Variants in ABTB2 observed in about 807,000 individuals in gnomAD.
ABTB2 encodes ankyrin repeat and BTB/POZ domain-containing protein 2.
ABTB2 carries 56 observed loss-of-function variants against 104.1 expected under a neutral mutation model. The ratio of observed to expected loss-of-function variants is 0.54; its 90% CI spans 0.43 to 0.67. The LOEUF (loss-of-function observed/expected upper bound fraction) is 0.67. Ranked by LOEUF, ABTB2 falls within the 30% of genes least tolerant of loss-of-function variation. ABTB2 has a pLI of 0.00. For missense variants in ABTB2, 1,279 were observed against 1,407.7 expected, an observed-to-expected ratio of 0.91 and a Z score of 1.46; for synonymous variants, 606 against 608.2, an observed-to-expected ratio of 1.00 and a Z score of 0.05.
chr11:34,212,516 A>T (rs538808734), intron 1 of ABTB2, among the ~76,000 whole-genome samples: 1 of 152,322 alleles, frequency 6.6e-6, no homozygotes, highest in South Asian at 2.1e-4. Flanking sequence ...AGCGAGGGAC[A>T]CTGAAGTTTA....
chr11:34,342,434 G>A (rs1163286307), intron 1 of ABTB2, among the ~76,000 whole-genome samples: 1 of 152,136 alleles, frequency 6.6e-6, no homozygotes, highest in Admixed American at 6.6e-5. Context: ...CACTGCATGT[G>A]CTTCGTCCCC....
intron 14 of ABTB2, among the ~76,000 whole-genome samples, chr11:34,157,233 G>A (rs1236920361): frequency 1.3e-5 from 2 of 152,228 alleles, no homozygotes; most frequent in African/African-American, 4.8e-5. Flanking sequence ...GCAAAATTCT[G>A]TACCCAGGAG....
At chr11:34,181,400 G>A (rs896990368) in intron 3 of ABTB2, among the ~76,000 whole-genome samples, 1 of 152,138 alleles carries the variant, frequency 6.6e-6, no homozygotes, top group African/African-American at 2.4e-5. Context: ...CCCGGGGTAG[G>A]CAGGGACCCC....
At chr11:34,337,088 T>G (rs1013947365) in intron 1 of ABTB2, among the ~76,000 whole-genome samples, 1 of 152,230 alleles carries the variant, frequency 6.6e-6, no homozygotes, top group Non-Finnish European at 1.5e-5. Context: ...CTCAGTTTAC[T>G]GAGGAGGACA....
At chr11:34,290,814 G>A (rs1041311667) in intron 1 of ABTB2, among the ~76,000 whole-genome samples, 3 of 152,218 alleles carry the variant, frequency 2.0e-5, no homozygotes, top group African/African-American at 7.2e-5. Flanking sequence ...AGTGTCTCCA[G>A]GAATTCCACA....
chr11:34,348,169 T>C (rs1051722439), intron 1 of ABTB2, among the ~76,000 whole-genome samples: 2 of 152,172 alleles, frequency 1.3e-5, no homozygotes, highest in Non-Finnish European at 2.9e-5. Flanking sequence ...TTTTAATGCT[T>C]TTACTGCTAG....
In ABTB2 at chr11:34,159,316, T is replaced by G. The variant is rs761758524; in HGVS notation, c.2677A>C (p.Met893Leu). 3.0e-5 allele frequency: 48 copies of G among 1,613,928 alleles called. No individual in the cohort carries two copies. Among genetic ancestry groups the G allele is most frequent in the Non-Finnish European group, 4.1e-5 (48 of 1,179,848 alleles). The change falls in exon 14 of 17, where the codon ATG (methionine) becomes CTG (leucine). Residue 893 changes from methionine to leucine, a missense_variant. Met to Leu is a conservative substitution (Grantham distance 15). Coordinates refer to ENST00000435224, the MANE Select transcript of ABTB2 (RefSeq NM_145804.3). The stretch of plus-strand genomic sequence containing the variant: ...CACACCTGAAAAATGTGGTACTTCA[T>G]GTCGCTGATCTCGATGGTCTTGCTG... Reference protein sequence around the residue: ...DSSKTIEISDMKYHIFQMMMQ... With the variant: ...DSSKTIEISDLKYHIFQMMMQ...
chr11:34,200,435 T>C (rs1462327298), intron 2 of ABTB2, among the ~76,000 whole-genome samples: 1 of 152,152 alleles, frequency 6.6e-6, no homozygotes, highest in Non-Finnish European at 1.5e-5. Context: ...CAGCTGGAGA[T>C]GGAGGTCCCC....
At chr11:34,288,394 G>A (rs1344612437) in intron 1 of ABTB2, among the ~76,000 whole-genome samples, 1 of 152,052 alleles carries the variant, frequency 6.6e-6, no homozygotes, top group Non-Finnish European at 1.5e-5. Flanking sequence ...CATAAACAAA[G>A]AAAACAAACA....
intron 7 of ABTB2, 34 bp downstream of exon 7, chr11:34,167,223 GCT>G: frequency 1.3e-6 from 2 of 1,556,182 alleles, no homozygotes; most frequent in Non-Finnish European, 1.8e-6. Context: ...CACCTGGTAA[GCT>G]GGGGGGCATG....
chr11:34,253,182 C>A (rs1854076625), intron 1 of ABTB2, among the ~76,000 whole-genome samples: 1 of 152,194 alleles, frequency 6.6e-6, no homozygotes, highest in Admixed American at 6.5e-5. Context: ...TCACACCCGT[C>A]CCTGGGTCAC....
Position 34,248,114 on chromosome 11 carries a change from A to ATTTTTTTT in ABTB2, c.884-43425_884-43424insAAAAAAAA, listed in dbSNP as rs1363625721. On this transcript the variant is annotated intron_variant, in intron 1 of 16. Transcript: ENST00000435224. ...TTTTTCTTAAAAAAAAAAAAAAAAA[A>ATTTTTTTT]AAAAAAAACAGGGTCTTGCCCTGTC... Among the ~76,000 whole-genome samples the ATTTTTTTT allele has an allele frequency of 2.9e-4, 37 of 126,342 alleles. 2 individuals carry two copies. Among genetic ancestry groups the ATTTTTTTT allele is most frequent in the African/African-American group, 7.5e-4 (24 of 32,106 alleles). 82.9% of individuals were successfully genotyped at this position (126,342 alleles called of 152,430 possible). A position where few individuals can be genotyped will look rare whatever the true frequency, so the allele number is the denominator to read the frequency against.
chr11:34,351,052 T>C (rs1855392874), intron 1 of ABTB2, among the ~76,000 whole-genome samples: 1 of 152,168 alleles, frequency 6.6e-6, no homozygotes, highest in Non-Finnish European at 1.5e-5. Flanking sequence ...AGGCGAAGCA[T>C]CTACCCACTG....
At chr11:34,349,220 A>G (rs1352380471) in intron 1 of ABTB2, among the ~76,000 whole-genome samples, 1 of 152,206 alleles carries the variant, frequency 6.6e-6, no homozygotes, top group African/African-American at 2.4e-5. Context: ...AGCAGGGTCC[A>G]ATATCCACAG....
In ABTB2 at chr11:34,154,850, C is replaced by T; in HGVS notation, c.2698-81G>A. 2 of 1,398,908 alleles carry T rather than the reference C, an allele frequency of 1.4e-6. No individual in the cohort carries two copies. Among genetic ancestry groups the T allele is most frequent in the Non-Finnish European group, 2.0e-6 (2 of 994,430 alleles). 86.7% of individuals were successfully genotyped at this position (1,398,908 alleles called of 1,614,324 possible). Reference sequence around the variant, plus strand: ...TTGCCAGCCCCACAGGGTACTGCTCCAGCTGCCGCCTCCAGGGGCCTGTCC... The same window carrying T: ...TTGCCAGCCCCACAGGGTACTGCTCTAGCTGCCGCCTCCAGGGGCCTGTCC... On this transcript the variant is annotated intron_variant, in intron 14 of 16. Transcript: ENST00000435224. The surrounding 1 kb of genome is among the most constrained non-coding windows in gnomAD (Gnocchi z 4.9).
chr11:34,304,072 G>A (rs1429871681), intron 1 of ABTB2, among the ~76,000 whole-genome samples: 1 of 152,184 alleles, frequency 6.6e-6, no homozygotes, highest in East Asian at 1.9e-4. Context: ...GTAGCATGAT[G>A]AAATATTGCC....
At chr11:34,160,403 T>C (rs1282485149) in intron 11 of ABTB2, 50 bp from the exon 12 acceptor site, 10 of 1,339,502 alleles carry the variant, frequency 7.5e-6, no homozygotes, top group African/African-American at 1.4e-5. Context: ...TGGCTGGCTG[T>C]TCACAGATGC....
At chr11:34,333,866 T>A (rs1855160185) in intron 1 of ABTB2, among the ~76,000 whole-genome samples, 1 of 152,114 alleles carries the variant, frequency 6.6e-6, no homozygotes, top group Admixed American at 6.5e-5. Flanking sequence ...AAACCTATGT[T>A]CTTGTCTCCT....
At chr11:34,158,820 G>T (rs1852668277) in intron 14 of ABTB2, among the ~76,000 whole-genome samples, 1 of 152,246 alleles carries the variant, frequency 6.6e-6, no homozygotes, top group Non-Finnish European at 1.5e-5. Context: ...ATGTGGCCGG[G>T]GTTTGATGCT....
Sources: allele counts gnomAD v4.1 joint callset (sites outside exome capture counted in the v4.1 genomes callset), GRCh38; gene constraint gnomAD v4.1.1; non-coding constraint Gnocchi (gnomAD v3.1); transcripts MANE v1.5; gene names NCBI Gene and HGNC (gene_info 2026-07-23, HGNC 2026-07-21).